GPC6: variants seen among roughly 807,000 people sequenced by gnomAD.
The protein encoded by GPC6 is glypican 6.
A neutral mutation model predicts 55.2 loss-of-function variants in GPC6; 14 were observed. That is an observed-to-expected ratio of 0.25 (90% CI 0.17 to 0.40). GPC6 has a LOEUF of 0.40. Ranked by LOEUF, GPC6 falls within the 10% of genes least tolerant of loss-of-function variation. The pLI, the probability that GPC6 is intolerant of heterozygous loss-of-function variation, is 1.00. For missense variants in GPC6, 641 were observed against 708.5 expected (o/e 0.90, Z 1.08); for synonymous variants, 278 against 259.6 (o/e 1.07, Z -0.68).
chr13:93,219,781 T>G, the GPC6 span, among the ~76,000 whole-genome samples: 1 of 152,190 alleles, frequency 6.6e-6, no homozygotes, highest in Non-Finnish European at 1.5e-5. Flanking sequence ...CAAGGTTTAG[T>G]GATATTAGTA....
chr13:94,402,360 A>G (rs1455370882), intron 8 of GPC6, among the ~76,000 whole-genome samples: 3 of 152,254 alleles, frequency 2.0e-5, no homozygotes, highest in South Asian at 2.1e-4. Flanking sequence ...TAAGGCCAAC[A>G]TGGTAGGTGT....
At position 93,960,640 on chromosome 13, in the gene GPC6, T is replaced by G. The variant is rs144365745; in HGVS notation, c.712-67089T>G. On this transcript the variant is annotated intron_variant, in intron 3 of 8. Coordinates refer to ENST00000377047, the MANE Select transcript of GPC6 (RefSeq NM_005708.5). The stretch of plus-strand genomic sequence containing the variant: ...GGGAGCATCTCTAAACATTTAAAAG[T>G]ACTAAAACACTTCACACATTGGATC... 2.3e-4 allele frequency among the ~76,000 whole-genome samples: 35 copies of G among 152,214 alleles called. No homozygotes were observed. In the East Asian group the frequency reaches 5.8e-3, roughly 25 times the overall value.
rs1887437404 is a variant in GPC6, at chr13:93,830,380, C to T, written c.546C>T (p.Phe182=). ...MFQLINPQYH[F]SEDYLECVSK... ...AGCTGATAAACCCTCAGTATCACTT[C>T]AGTGAAGACTACCTGGAATGTGTGA... Residue 182 remains phenylalanine (F), a synonymous_variant, in exon 3 of 9, where the codon TTC becomes TTT. Transcript: ENST00000377047. 1 of 1,613,878 alleles carries T rather than the reference C, an allele frequency of 6.2e-7. No homozygotes were observed. The highest frequency in any genetic ancestry group is 1.3e-5 in the African/African-American group (1 of 74,996).
chr13:93,222,040 T>C (rs987919938), upstream of GPC6, among the ~76,000 whole-genome samples: 2 of 152,214 alleles, frequency 1.3e-5, no homozygotes, highest in African/African-American at 4.8e-5. Flanking sequence ...CCCAAGGCTT[T>C]TAAAAAATTA....
chr13:93,757,020 AC>A (rs1302616844), intron 2 of GPC6, among the ~76,000 whole-genome samples: 1 of 152,056 alleles, frequency 6.6e-6, no homozygotes, highest in Non-Finnish European at 1.5e-5. Context: ...TCTACTTCAA[AC>A]CCTTTATGAC....
intron 3 of GPC6, among the ~76,000 whole-genome samples, chr13:93,963,839 A>G (rs982118170): frequency 5.3e-5 from 8 of 152,140 alleles, no homozygotes; most frequent in Admixed American, 2.0e-4. Context: ...TGTTGTCAAA[A>G]TAAGAGCAAC....
intron 1 of GPC6, among the ~76,000 whole-genome samples, chr13:93,402,694 C>CTT (rs1157809578): frequency 2.6e-5 from 4 of 152,160 alleles, no homozygotes; most frequent in African/African-American, 9.7e-5. Context: ...AACTAACAGC[C>CTT]TTAAAATATG....
At chr13:93,408,776 T>A (rs1283114192) in intron 1 of GPC6, among the ~76,000 whole-genome samples, 1 of 151,620 alleles carries the variant, frequency 6.6e-6, no homozygotes, top group Non-Finnish European at 1.5e-5. Flanking sequence ...ATTATGGAGG[T>A]AGTAGGTAAG....
intron 4 of GPC6, among the ~76,000 whole-genome samples, chr13:94,054,453 G>C (rs1322948362): frequency 3.3e-5 from 5 of 152,174 alleles, no homozygotes; most frequent in Non-Finnish European, 1.5e-5. Flanking sequence ...GGTCTGGGGT[G>C]GGGAATGTGT....
At chr13:93,386,482 G>A (rs190404039) in intron 1 of GPC6, among the ~76,000 whole-genome samples, 2 of 149,820 alleles carry the variant, frequency 1.3e-5, no homozygotes, top group African/African-American at 4.9e-5. Context: ...TGCATAACAA[G>A]GGTCAATAGT....
chr13:93,275,263 G>T (rs1365963440), intron 1 of GPC6, among the ~76,000 whole-genome samples: 1 of 152,066 alleles, frequency 6.6e-6, no homozygotes, highest in Admixed American at 6.6e-5. Flanking sequence ...ATCTTAATTG[G>T]GTACATGAAA....
intron 3 of GPC6, among the ~76,000 whole-genome samples, chr13:93,850,297 A>G (rs1183813844): frequency 1.3e-5 from 2 of 151,926 alleles, no homozygotes; most frequent in Non-Finnish European, 2.9e-5. Flanking sequence ...CCAGCCTTAG[A>G]ATTCCCATTC....
chr13:94,370,622 T>A (rs945534536), intron 6 of GPC6, among the ~76,000 whole-genome samples: 1 of 152,236 alleles, frequency 6.6e-6, no homozygotes, highest in Non-Finnish European at 1.5e-5. Context: ...ATCGATTTCG[T>A]TGAATGTTAT....
At chr13:94,165,133 TA>T (rs1888312351) in intron 4 of GPC6, among the ~76,000 whole-genome samples, 1 of 151,284 alleles carries the variant, frequency 6.6e-6, no homozygotes, top group Non-Finnish European at 1.5e-5. Context: ...ATTGCAAAAA[TA>T]TGGAACCAGC....
chr13:93,752,477 G>A (rs1175754369), intron 2 of GPC6, among the ~76,000 whole-genome samples: 1 of 151,618 alleles, frequency 6.6e-6, no homozygotes, highest in Non-Finnish European at 1.5e-5. Flanking sequence ...AAATGCCTAA[G>A]GTAGCACTTA....
chr13:94,294,527 T>G (rs1875217610), intron 5 of GPC6, among the ~76,000 whole-genome samples: 1 of 151,694 alleles, frequency 6.6e-6, no homozygotes, highest in Non-Finnish European at 1.5e-5. Flanking sequence ...TCCTCATCTG[T>G]GAAAGGAGGG....
At chr13:93,849,294 T>C (rs1348406167) in intron 3 of GPC6, among the ~76,000 whole-genome samples, 1 of 152,108 alleles carries the variant, frequency 6.6e-6, no homozygotes, top group African/African-American at 2.4e-5. Context: ...CCTGCCTGAA[T>C]ACCTGATGGT....
intron 6 of GPC6, among the ~76,000 whole-genome samples, chr13:94,341,431 A>T (rs1184688033): frequency 6.6e-6 from 1 of 152,042 alleles, no homozygotes; most frequent in African/African-American, 2.4e-5. Context: ...CTAAAAATAC[A>T]AAAAATTAGC....
chr13:94,191,769 TTCTGAG>T, intron 4 of GPC6, among the ~76,000 whole-genome samples: 1 of 152,278 alleles, frequency 6.6e-6, no homozygotes, highest in East Asian at 1.9e-4. Flanking sequence ...GGAGCTCCTT[TTCTGAG>T]TTAGAGATGT....
Sources: gnomAD v4.1 joint callset for allele counts (sites outside exome capture counted in the v4.1 genomes callset) on GRCh38, gnomAD v4.1.1 for gene constraint, MANE v1.5 for transcripts, NCBI Gene and HGNC (gene_info 2026-07-23, HGNC 2026-07-21) for gene names.